Variants in CTNND2 observed in about 807,000 individuals in gnomAD.
CTNND2 encodes the protein catenin delta 2, also known as catenin delta-2.
CTNND2 carries 22 observed loss-of-function variants against 144.4 expected under a neutral mutation model. The observed-to-expected ratio is 0.15, with a 90% confidence interval of 0.11 to 0.22. The LOEUF (loss-of-function observed/expected upper bound fraction) is 0.22. Among genes scored for constraint, CTNND2 ranks in the 10% least tolerant of loss-of-function variants. The probability of loss-of-function intolerance (pLI) is 1.00; values close to 1 mark genes in which losing one functional copy is unlikely to be tolerated. For missense variants in CTNND2, 1,353 were observed against 1,618.8 expected, an observed-to-expected ratio of 0.84 and a Z score of 2.82; for synonymous variants, 751 against 695.6, an observed-to-expected ratio of 1.08 and a Z score of -1.25.
intron 5 of CTNND2, among the ~76,000 whole-genome samples, chr5:11,409,282 T>A (rs1475477976): frequency 6.6e-6 from 1 of 152,064 alleles, no homozygotes; most frequent in Non-Finnish European, 1.5e-5. Context: ...TCCAAGAATA[T>A]GGCCCTCCAT....
intron 3 of CTNND2, among the ~76,000 whole-genome samples, chr5:11,437,086 A>G (rs1763841816): frequency 6.6e-6 from 1 of 152,232 alleles, no homozygotes; most frequent in Admixed American, 6.5e-5. Flanking sequence ...CTTTTTCGGC[A>G]TATGCATTTG....
chr5:11,169,573 C>T (rs1003911410), intron 11 of CTNND2, among the ~76,000 whole-genome samples: 2 of 152,230 alleles, frequency 1.3e-5, no homozygotes, highest in African/African-American at 2.4e-5. Context: ...CAGCACACAT[C>T]TTGGCAAGGC....
intron 2 of CTNND2, among the ~76,000 whole-genome samples, chr5:11,730,142 C>T (rs957770490): frequency 6.6e-6 from 1 of 152,072 alleles, no homozygotes; most frequent in Non-Finnish European, 1.5e-5. Flanking sequence ...TTGTGTCTTG[C>T]TATTACTAGT....
At chr5:11,823,486 T>C (rs191039541) in intron 1 of CTNND2, among the ~76,000 whole-genome samples, 43 of 152,332 alleles carry the variant, frequency 2.8e-4, no homozygotes, top group Admixed American at 6.5e-4. Flanking sequence ...GCCAAATTGT[T>C]AATCACTGAG....
At chr5:11,812,180 G>A (rs961081866) in intron 1 of CTNND2, among the ~76,000 whole-genome samples, 16 of 152,192 alleles carry the variant, frequency 1.1e-4, no homozygotes, top group Admixed American at 6.5e-5. Flanking sequence ...AAACACAGAT[G>A]TCCTGTTGTG....
intron 12 of CTNND2, among the ~76,000 whole-genome samples, chr5:11,121,910 C>T (rs1261560447): frequency 6.6e-6 from 1 of 152,212 alleles, no homozygotes; most frequent in Non-Finnish European, 1.5e-5. Context: ...CTTTGAACCT[C>T]CTTTACTGAT....
intron 1 of CTNND2, among the ~76,000 whole-genome samples, chr5:11,789,721 T>C (rs1358333350): frequency 6.6e-6 from 1 of 152,180 alleles, no homozygotes; most frequent in East Asian, 1.9e-4. Context: ...ACCCCTGCCA[T>C]ATTTAGAATT....
chr5:11,635,730 A>G (rs933143093), intron 2 of CTNND2, among the ~76,000 whole-genome samples: 8 of 151,774 alleles, frequency 5.3e-5, no homozygotes, highest in Non-Finnish European at 7.4e-5. Flanking sequence ...TTTTTTTCTT[A>G]TAACATAGAT....
intron 1 of CTNND2, among the ~76,000 whole-genome samples, chr5:11,766,133 A>C (rs572209929): frequency 8.5e-5 from 13 of 152,358 alleles, no homozygotes; most frequent in African/African-American, 3.1e-4. Context: ...AAATAATTAA[A>C]TCACATTCCA....
Position 11,411,582 on chromosome 5 carries a change from T to C in CTNND2, c.393A>G (p.Leu131=), listed in dbSNP as rs1388780995. 7 of 1,612,388 alleles carry C rather than the reference T, an allele frequency of 4.3e-6. No homozygotes were observed. In the African/African-American group the frequency reaches 6.7e-5, roughly 15 times the overall value. ...LELVDSCIRS[L]QESGILDPQD... ...GTGGGTCAAGTATTCCTGATTCCTG[T>C]AGTGACCTAATACAGGAGTCCACCA... The change falls in exon 5 of 22, where the codon CTA becomes CTG. Residue 131 remains leucine (L), a synonymous_variant. Coordinates refer to ENST00000304623, the MANE Select transcript of CTNND2 (RefSeq NM_001332.4).
intron 2 of CTNND2, among the ~76,000 whole-genome samples, chr5:11,691,413 T>A (rs1213469256): frequency 7.1e-6 from 1 of 140,878 alleles, no homozygotes; most frequent in Non-Finnish European, 1.5e-5. Flanking sequence ...TAAAATAAAA[T>A]AAAAAATAAG....
In CTNND2 at chr5:11,072,468, A is replaced by G. The variant is rs531589840; in HGVS notation, c.2788+10228T>C. Among the ~76,000 whole-genome samples the G allele has an allele frequency of 3.3e-5, 5 of 152,390 alleles. No homozygotes were observed. The South Asian group carries it at 1.0e-3, about 32-fold the overall frequency. Reference sequence around the variant, plus strand: ...TACATTATAATACACGAAATTGAATAGGAAAATTTTGTTTTAACTTTAAAA... The same window carrying G: ...TACATTATAATACACGAAATTGAATGGGAAAATTTTGTTTTAACTTTAAAA... On this transcript the variant is annotated intron_variant, in intron 16 of 21. Coordinates refer to ENST00000304623, the MANE Select transcript of CTNND2 (RefSeq NM_001332.4).
chr5:11,822,210 C>T (rs1793353413), intron 1 of CTNND2, among the ~76,000 whole-genome samples: 1 of 152,124 alleles, frequency 6.6e-6, no homozygotes, highest in African/African-American at 2.4e-5. Context: ...AAACTCCTAT[C>T]CTGACCTCTC....
chr5:11,804,950 T>C (rs901351839), intron 1 of CTNND2, among the ~76,000 whole-genome samples: 14 of 152,290 alleles, frequency 9.2e-5, no homozygotes, highest in Non-Finnish European at 2.1e-4. Context: ...AGAAATGGTG[T>C]TCTAAGTAAC....
intron 2 of CTNND2, among the ~76,000 whole-genome samples, chr5:11,617,079 C>T (rs1440970835): frequency 6.6e-6 from 1 of 152,182 alleles, no homozygotes; most frequent in African/African-American, 2.4e-5. Flanking sequence ...AGACCTGTGG[C>T]TATGCATGTG....
chr5:11,521,884 T>C (rs2150041488), intron 3 of CTNND2, among the ~76,000 whole-genome samples: 1 of 152,296 alleles, frequency 6.6e-6, no homozygotes, highest in South Asian at 2.1e-4. Flanking sequence ...ATGGATGCAC[T>C]CCCAACGAGA....
Position 11,840,965 on chromosome 5 carries a change from A to G in CTNND2, c.37+62852T>C, listed in dbSNP as rs73064665. 3.0e-3 allele frequency among the ~76,000 whole-genome samples: 451 copies of G among 152,286 alleles called. 6 individuals are homozygous for G. The highest frequency in any genetic ancestry group is 1.0e-2 in the African/African-American group (414 of 41,558). On this transcript the variant is annotated intron_variant, in intron 1 of 21. Transcript: ENST00000304623. ...ATATTTTTATGTTGATAAAACTACT[A>G]TAACAAACTTTATGGCAAACACCAT... is the stretch of plus-strand genomic sequence containing the variant.
intron 3 of CTNND2, among the ~76,000 whole-genome samples, chr5:11,511,735 TCTG>T (rs545468292): frequency 1.3e-5 from 2 of 152,172 alleles, no homozygotes; most frequent in South Asian, 4.1e-4. Flanking sequence ...CATTGTGAAT[TCTG>T]CTGTTCCATA....
intron 20 of CTNND2, among the ~76,000 whole-genome samples, chr5:10,983,411 TCACTCTACC>T (rs1315961111): frequency 3.3e-5 from 5 of 152,130 alleles, no homozygotes; most frequent in African/African-American, 7.2e-5. Flanking sequence ...TGAAGTAGGA[TCACTCTACC>T]TATAGGCCAC....
Sources: gnomAD v4.1 joint callset for allele counts (sites outside exome capture counted in the v4.1 genomes callset) on GRCh38, gnomAD v4.1.1 for gene constraint, MANE v1.5 for transcripts, NCBI Gene and HGNC (gene_info 2026-07-23, HGNC 2026-07-21) for gene names.